Variants in FOXN4 observed in about 807,000 individuals in gnomAD.
The protein encoded by FOXN4 is forkhead box protein N4.
FOXN4 carries 12 observed loss-of-function variants against 45.0 expected under a neutral mutation model. The ratio of observed to expected loss-of-function variants is 0.27; its 90% CI spans 0.17 to 0.43. The LOEUF (loss-of-function observed/expected upper bound fraction) is 0.43, where lower values mean the gene tolerates loss of function less well. FOXN4 is among the 20% of genes least tolerant of loss of function. FOXN4 has a pLI of 1.00. For missense variants in FOXN4, 560 were observed against 694.9 expected (o/e 0.81, Z 2.18); for synonymous variants, 297 against 295.0 (o/e 1.01, Z -0.07).
In FOXN4 at chr12:109,281,497, T is replaced by G. The variant is rs756461387; in HGVS notation, c.1204A>C (p.Arg402=). The change falls in exon 9 of 10, where the codon AGG becomes CGG. Residue 402 remains arginine (R), a synonymous_variant. Transcript: ENST00000299162. ...PSPLPHPAMG[R]APVDFINIST... is the part of the protein sequence containing the mutation. Reference sequence around the variant, plus strand: ...ATGTTGATGAAGTCTACAGGAGCCCTTCCCATGGCGGGGTGGGGGAGCGGG... The same window carrying G: ...ATGTTGATGAAGTCTACAGGAGCCCGTCCCATGGCGGGGTGGGGGAGCGGG... 1 of 1,613,980 alleles carries G rather than the reference T, an allele frequency of 6.2e-7. No homozygotes were observed. Among genetic ancestry groups the G allele is most frequent in the East Asian group, 2.2e-5 (1 of 44,886 alleles).
In FOXN4 at chr12:109,290,637, TA is replaced by T. The variant is rs1361880595; in HGVS notation, c.87-352del. On this transcript the variant is annotated intron_variant, in intron 2 of 9. Coordinates refer to ENST00000299162, the MANE Select transcript of FOXN4 (RefSeq NM_213596.3). This position sits in a 1 kb window ranked among gnomAD's most constrained non-coding sequence, Gnocchi z 5.1. ...CCTATGAGGCAGGTGTTATTATTCC[TA>T]TTTTACAGATGGGGAAACCGAGGCA... Among the ~76,000 whole-genome samples the T allele has an allele frequency of 1.3e-5, 2 of 152,190 alleles. No homozygotes were observed. The highest frequency in any genetic ancestry group is 2.9e-5 in the Non-Finnish European group (2 of 68,042).
Position 109,291,956 on chromosome 12 carries a change from T to C in FOXN4, c.87-1670A>G, listed in dbSNP as rs759269190. The stretch of plus-strand genomic sequence containing the variant: ...CCCCTCCGGCCGCCACCCCTCCGGC[T>C]GCCACCCCTCCGGCCTGCTCGTAAC... On this transcript the variant is annotated intron_variant, in intron 2 of 9. Transcript: ENST00000299162. The surrounding 1 kb of genome is among the most constrained non-coding windows in gnomAD (Gnocchi z 6.6). 1.3e-5 allele frequency among the ~76,000 whole-genome samples: 2 copies of C among 150,578 alleles called. No homozygotes were observed. The highest frequency in any genetic ancestry group is 2.5e-5 in the African/African-American group (1 of 40,174).
chr12:109,293,374 T>C (rs149638207), intron 2 of FOXN4, among the ~76,000 whole-genome samples: 2 of 152,110 alleles, frequency 1.3e-5, no homozygotes, highest in Admixed American at 6.5e-5. Flanking sequence ...CTGACTGCTC[T>C]CTACACTTCG....
At chr12:109,303,441 A>C (rs941393808) in intron 2 of FOXN4, among the ~76,000 whole-genome samples, 4 of 152,220 alleles carry the variant, frequency 2.6e-5, no homozygotes, top group African/African-American at 9.7e-5. Context: ...TGTTATTTTC[A>C]CGTGATATTT....
chr12:109,283,886 G>A (rs866209238), intron 8 of FOXN4, among the ~76,000 whole-genome samples: 14 of 152,236 alleles, frequency 9.2e-5, no homozygotes, highest in Admixed American at 5.2e-4. Flanking sequence ...TGTCTGGACT[G>A]CTTTCTGTGT....
intron 7 of FOXN4, among the ~76,000 whole-genome samples, chr12:109,286,128 T>C (rs543719904): frequency 2.6e-5 from 4 of 152,344 alleles, no homozygotes; most frequent in Non-Finnish European, 4.4e-5. Context: ...CTAAGGACAC[T>C]GTCCAATCCA....
At chr12:109,285,007 G>C (rs1232339349) in intron 8 of FOXN4, among the ~76,000 whole-genome samples, 1 of 148,648 alleles carries the variant, frequency 6.7e-6, no homozygotes, top group East Asian at 2.1e-4. Context: ...CTGCGTGTGT[G>C]CGTGCATTTG....
chr12:109,279,357 A>G lies in FOXN4; in HGVS notation c.*314T>C, dbSNP rs1237147811. 2.4e-6 allele frequency: 1 copy of G among 424,294 alleles called. No individual in the cohort carries two copies. The highest frequency in any genetic ancestry group is 4.4e-6 in the Non-Finnish European group (1 of 228,584). The allele number at this position is 424,294 out of a possible 1,614,324, so 26.3% of individuals were successfully genotyped here. A position where few individuals can be genotyped will look rare whatever the true frequency, so the allele number is the denominator to read the frequency against. ...ATCCAGGATGGAGAAGTCTCACTCA[A>G]CACGGGCAGGCATTGCGGCTCAGGC... On this transcript the variant is annotated 3_prime_UTR_variant, in exon 10 of 10. Coordinates refer to ENST00000299162, the MANE Select transcript of FOXN4 (RefSeq NM_213596.3).
At chr12:109,293,443 T>C (rs1414493539) in intron 2 of FOXN4, among the ~76,000 whole-genome samples, 2 of 152,226 alleles carry the variant, frequency 1.3e-5, no homozygotes, top group Non-Finnish European at 2.9e-5. Context: ...GCCTTCTGGC[T>C]CATTGAGTGT....
At chr12:109,281,070 C>G (rs923637631) in intron 9 of FOXN4, among the ~76,000 whole-genome samples, 2 of 152,170 alleles carry the variant, frequency 1.3e-5, no homozygotes, top group East Asian at 3.8e-4. Flanking sequence ...CAGGTGATGC[C>G]TATGGAATGC....
In FOXN4 at chr12:109,287,500, G is replaced by A. The variant is rs1013909881; in HGVS notation, c.493C>T (p.Pro165Ser). The A allele has an allele frequency of 3.9e-6, 6 of 1,544,026 alleles. No homozygotes were observed. The African/African-American group carries it at 6.9e-5, about 18-fold the overall frequency. ...QQCPPVGLYG[P>S]PFGVRPPYPQ... is the part of the protein sequence containing the mutation. ...TAGGGGGGCCGCACCCCAAATGGGG[G>A]GCCATAGAGGCCCACAGGAGGGCAC... The change falls in exon 6 of 10, where the codon CCC (proline) becomes TCC (serine). Residue 165 changes from proline (P) to serine (S), a missense_variant. Physicochemically the swap from Pro to Ser is moderately conservative, Grantham distance 74. Coordinates refer to ENST00000299162, the MANE Select transcript of FOXN4 (RefSeq NM_213596.3). The surrounding 1 kb of genome is among the most constrained non-coding windows in gnomAD (Gnocchi z 4.1).
At position 109,279,604 on chromosome 12, in the gene FOXN4, AC is replaced by A; in HGVS notation, c.*66del. 1 of 1,542,942 alleles carries A rather than the reference AC, an allele frequency of 6.5e-7. No homozygotes were observed. The highest frequency in any genetic ancestry group is 8.8e-7 in the Non-Finnish European group (1 of 1,141,736). The stretch of plus-strand genomic sequence containing the variant: ...AATGAGGGACCTGCCTTCTGGGAAC[AC>A]CCTGTTCTAGTCAGTTCTCTGCCCA... On this transcript the variant is annotated 3_prime_UTR_variant, in exon 10 of 10. Coordinates refer to ENST00000299162, the MANE Select transcript of FOXN4 (RefSeq NM_213596.3).
In FOXN4 at chr12:109,291,011, GAC is replaced by G. The variant is rs911272329; in HGVS notation, c.87-727_87-726del. 2.6e-5 allele frequency among the ~76,000 whole-genome samples: 4 copies of G among 152,100 alleles called. No individual in the cohort carries two copies. The highest frequency in any genetic ancestry group is 9.7e-5 in the African/African-American group (4 of 41,418). Reference sequence around the variant, plus strand: ...GAGCACCGAGTCACCTGCCCAAGGCGACACAGAACAGGAGGTGGTGGGGCTGA... The same window carrying G: ...GAGCACCGAGTCACCTGCCCAAGGCGACAGAACAGGAGGTGGTGGGGCTGA... On this transcript the variant is annotated intron_variant, in intron 2 of 9. Transcript: ENST00000299162. The surrounding 1 kb of genome is among the most constrained non-coding windows in gnomAD (Gnocchi z 6.6).
At chr12:109,285,623 G>T in intron 7 of FOXN4, 112 bp from the exon 8 acceptor site, 2 of 1,041,408 alleles carry the variant, frequency 1.9e-6, no homozygotes, top group African/African-American at 1.6e-5. Flanking sequence ...GGAGTAATTT[G>T]ACAGTGCCTG....
chr12:109,290,084 G>T lies in FOXN4; in HGVS notation c.232+57C>A, dbSNP rs904091758. ...GCACAGTGGGTGGGTGGCAGGGCTGGGAATCACCCCTCTCCTATATCACCC... is the reference window on the plus strand; with the variant it reads ...GCACAGTGGGTGGGTGGCAGGGCTGTGAATCACCCCTCTCCTATATCACCC... On this transcript the variant is annotated intron_variant, in intron 3 of 9. Coordinates refer to ENST00000299162, the MANE Select transcript of FOXN4 (RefSeq NM_213596.3). This position sits in a 1 kb window ranked among gnomAD's most constrained non-coding sequence, Gnocchi z 5.1. 61 of 1,473,286 alleles carry T rather than the reference G, an allele frequency of 4.1e-5. No individual in the cohort carries two copies. Among genetic ancestry groups the T allele is most frequent in the Non-Finnish European group, 5.1e-5 (56 of 1,103,988 alleles). 91.3% of individuals were successfully genotyped at this position (1,473,286 alleles called of 1,614,324 possible). A position where few individuals can be genotyped will look rare whatever the true frequency, so the allele number is the denominator to read the frequency against.
intron 2 of FOXN4, among the ~76,000 whole-genome samples, chr12:109,307,336 G>A (rs182788501): frequency 1.3e-5 from 2 of 152,160 alleles, no homozygotes; most frequent in Non-Finnish European, 2.9e-5. Flanking sequence ...TCTGGACTGT[G>A]CCCCCTCAGC....
rs192711228 is a variant in FOXN4, at chr12:109,290,336, T to A, written c.87-50A>T. 2.4e-4 allele frequency: 366 copies of A among 1,496,090 alleles called. 1 individual carries two copies. In the African/African-American group the frequency reaches 4.6e-3, roughly 19 times the overall value. The allele number at this position is 1,496,090 out of a possible 1,614,324, so 92.7% of individuals were successfully genotyped here. On this transcript the variant is annotated intron_variant, in intron 2 of 9. Coordinates refer to ENST00000299162, the MANE Select transcript of FOXN4 (RefSeq NM_213596.3). The surrounding 1 kb of genome is among the most constrained non-coding windows in gnomAD (Gnocchi z 5.1). ...GGCGGGAGGGGGAGCTTAGGCCAGCTCCTGGGGGTGCGTCCCGACCTCTGG... is the reference window on the plus strand; with the variant it reads ...GGCGGGAGGGGGAGCTTAGGCCAGCACCTGGGGGTGCGTCCCGACCTCTGG...
At chr12:109,297,521 A>T (rs2047828868) in intron 2 of FOXN4, among the ~76,000 whole-genome samples, 1 of 152,144 alleles carries the variant, frequency 6.6e-6, no homozygotes. Context: ...CATTTTTAGT[A>T]GAGATGGGGT....
At chr12:109,286,789 C>T (rs750699938) in intron 6 of FOXN4, 45 bp from the exon 7 acceptor site, 1 of 1,567,658 alleles carries the variant, frequency 6.4e-7, no homozygotes, top group South Asian at 1.2e-5. Flanking sequence ...CAGGACAGGG[C>T]AGGCCAGGCA....
Sources: allele counts gnomAD v4.1 joint callset (sites outside exome capture counted in the v4.1 genomes callset), GRCh38; gene constraint gnomAD v4.1.1; non-coding constraint Gnocchi (gnomAD v3.1); transcripts MANE v1.5; gene names NCBI Gene and HGNC (gene_info 2026-07-23, HGNC 2026-07-21).